The following ANO7 variants were observed in gnomAD, a reference collection of about 807,000 sequenced individuals.
ANO7 encodes the protein anoctamin 7, also known as anoctamin-7.
ANO7 carries 114 observed loss-of-function variants against 115.8 expected under a neutral mutation model. The observed-to-expected ratio is 0.98, with a 90% confidence interval of 0.85 to 1.15. ANO7 has a LOEUF of 1.15. ANO7 is among the 50% of genes most tolerant of loss of function. The probability of loss-of-function intolerance (pLI) is 0.00; values close to 1 mark genes in which losing one functional copy is unlikely to be tolerated. For missense variants in ANO7, 1,302 were observed against 1,201.2 expected (o/e 1.08, Z -1.24); for synonymous variants, 550 against 498.2 (o/e 1.10, Z -1.38).
rs200984740 is a variant in ANO7, at chr2:241,207,674, C to T, written c.1077+4C>T. The T allele has an allele frequency of 5.5e-5, 88 of 1,613,280 alleles. No individual in the cohort carries two copies. The highest frequency in any genetic ancestry group is 1.7e-4 in the Middle Eastern group (1 of 6,056). ...CAGCGCCTGTGCCCTGGCCCAGGTA[C>T]GAGAAGAGGTGGGTGGGGTAAGGGA... On this transcript the variant is annotated splice_donor_region_variant and intron_variant, in intron 11 of 24. Coordinates refer to ENST00000674324, the MANE Select transcript of ANO7 (RefSeq NM_001370694.2).
chr2:241,224,192 C>T lies in ANO7; in HGVS notation c.*39C>T. ...ATCTGGTGGTCCTTAGGGGAGTGGCCCCTCCTGAGCCCTGCGAGCAGCGTC... is the reference window on the plus strand; with the variant it reads ...ATCTGGTGGTCCTTAGGGGAGTGGCTCCTCCTGAGCCCTGCGAGCAGCGTC... On this transcript the variant is annotated 3_prime_UTR_variant, in exon 25 of 25. Transcript: ENST00000674324. 3 of 1,606,756 alleles carry T rather than the reference C, an allele frequency of 1.9e-6. No individual in the cohort carries two copies. The highest frequency in any genetic ancestry group is 2.6e-6 in the Non-Finnish European group (3 of 1,174,286).
At chr2:241,237,548 T>A in the ANO7 span, among the ~76,000 whole-genome samples, 229 of 152,212 alleles carry the variant, frequency 1.5e-3, 2 homozygotes, top group Non-Finnish European at 2.3e-3. Context: ...GAAGTAGGTG[T>A]TTCTGAAGGA....
chr2:241,220,314 A>C (rs2068977992), intron 21 of ANO7, among the ~76,000 whole-genome samples: 1 of 152,242 alleles, frequency 6.6e-6, no homozygotes, highest in African/African-American at 2.4e-5. Context: ...CGGATATAAA[A>C]GTATAGGTCG....
the ANO7 span, among the ~76,000 whole-genome samples, chr2:241,234,216 G>A: frequency 0.046 from 6,998 of 152,302 alleles, 555 homozygotes; most frequent in African/African-American, 0.16. Flanking sequence ...GACCACTTGC[G>A]AGGATCGTGC....
chr2:241,236,591 G>A, the ANO7 span: 1 of 1,612,108 alleles, frequency 6.2e-7, no homozygotes, highest in African/African-American at 1.3e-5. Flanking sequence ...GGCGGGGGGT[G>A]GAGGGGGGCA....
the ANO7 span, among the ~76,000 whole-genome samples, chr2:241,232,362 G>A: frequency 6.6e-6 from 1 of 150,550 alleles, no homozygotes; most frequent in Non-Finnish European, 1.5e-5. Flanking sequence ...TGCAGCCTCC[G>A]CCTCCTGCGT....
rs1574789700 is a variant in ANO7 at position 241,215,042 on chromosome 2, T to C, written c.1826+140T>C. The C allele has an allele frequency of 6.3e-6, 5 of 789,988 alleles. No individual in the cohort carries two copies. In the Admixed American group the frequency reaches 8.5e-5, roughly 13 times the overall value. The allele number at this position is 789,988 out of a possible 1,614,324, so 48.9% of individuals were successfully genotyped here. ...CTTGCCTGGGGAGGGGGAGGGGGAG[T>C]GTGCCCGGCCGTCTGCCCCGGGCTC... On this transcript the variant is annotated intron_variant, in intron 18 of 24. Coordinates refer to ENST00000674324, the MANE Select transcript of ANO7 (RefSeq NM_001370694.2).
At position 241,217,873 on chromosome 2, in the gene ANO7, C is replaced by T. The variant is rs1162900414; in HGVS notation, c.2160C>T (p.His720=). Residue 720 remains histidine, a synonymous_variant, in exon 20 of 25, where the codon CAC becomes CAT. Coordinates refer to ENST00000674324, the MANE Select transcript of ANO7 (RefSeq NM_001370694.2). ...IWFHILAGLT[H]LAVISNAFLL... is the part of the protein sequence containing the mutation. ...TCCACATCCTGGCGGGCCTCACGCA[C>T]CTGGCGGTCATCAGCAACGTGAGGC... is the stretch of plus-strand genomic sequence containing the variant. 6 of 1,593,166 alleles carry T rather than the reference C, an allele frequency of 3.8e-6. No individual in the cohort carries two copies. The East Asian group carries it at 1.1e-4, about 30-fold the overall frequency.
At chr2:241,219,932 CCTCT>C in intron 21 of ANO7, among the ~76,000 whole-genome samples, 2 of 152,258 alleles carry the variant, frequency 1.3e-5, no homozygotes, top group African/African-American at 4.8e-5. Flanking sequence ...AGTTTTGTTT[CCTCT>C]CTCTGTGTAT....
At chr2:241,193,018 T>G (rs1010173247) in intron 3 of ANO7, among the ~76,000 whole-genome samples, 13 of 152,156 alleles carry the variant, frequency 8.5e-5, no homozygotes, top group African/African-American at 2.9e-4. Context: ...CAATGACCTG[T>G]ACACTTAAAT....
intron 1 of ANO7, among the ~76,000 whole-genome samples, chr2:241,189,634 G>A (rs1205237511): frequency 6.6e-6 from 1 of 152,128 alleles, no homozygotes; most frequent in Non-Finnish European, 1.5e-5. Flanking sequence ...GAAGGCAGGC[G>A]ACTTGAGGGG....
chr2:241,216,606 G>C (rs2149249675), intron 19 of ANO7, among the ~76,000 whole-genome samples: 1 of 152,360 alleles, frequency 6.6e-6, no homozygotes, highest in Admixed American at 6.5e-5. Context: ...GCCACAGTGG[G>C]AGGCAGCGGC....
rs563012363 is a variant in ANO7, at chr2:241,199,718, A to G, written c.417+295A>G. 8.1e-4 allele frequency among the ~76,000 whole-genome samples: 123 copies of G among 152,262 alleles called. 1 individual carries two copies. Among genetic ancestry groups the G allele is most frequent in the African/African-American group, 2.8e-3 (116 of 41,554 alleles). ...CCACCTGCTGAGGGCCCTGCCTATG[A>G]ACATGGGGTGGAGAAGGCTGCCTCC... On this transcript the variant is annotated intron_variant, in intron 5 of 24. Coordinates refer to ENST00000674324, the MANE Select transcript of ANO7 (RefSeq NM_001370694.2).
rs2068511180 is a variant in ANO7, at chr2:241,203,246, T to G, written c.724-87T>G. ...CCAGACTCCCAGGCCTGTCTGCCCA[T>G]GTCCCACACTGAAGCCCCTGCACCT... On this transcript the variant is annotated intron_variant, in intron 8 of 24. Transcript: ENST00000674324. This position sits in a 1 kb window ranked among gnomAD's most constrained non-coding sequence, Gnocchi z 4.8. 2.8e-6 allele frequency: 3 copies of G among 1,060,096 alleles called. No homozygotes were observed. Among genetic ancestry groups the G allele is most frequent in the Non-Finnish European group, 3.9e-6 (3 of 776,724 alleles). 65.7% of individuals were successfully genotyped at this position (1,060,096 alleles called of 1,614,324 possible).
rs1006970869 is a variant in ANO7, at chr2:241,221,698, A to G, written c.2322-1488A>G. 2.6e-5 allele frequency among the ~76,000 whole-genome samples: 4 copies of G among 151,000 alleles called. No homozygotes were observed. In the East Asian group the frequency reaches 5.9e-4, roughly 22 times the overall value. On this transcript the variant is annotated intron_variant, in intron 21 of 24. Transcript: ENST00000674324. ...GATTATTTCTTTTTTTTCTTTTGAG[A>G]TGGAGTTTTCCTCTTGTCGCCAAGG...
At position 241,217,715 on chromosome 2, in the gene ANO7, G is replaced by C. The variant is rs970137788; in HGVS notation, c.2002G>C (p.Val668Leu). 1.9e-6 allele frequency: 3 copies of C among 1,596,310 alleles called. No individual in the cohort carries two copies. Among genetic ancestry groups the C allele is most frequent in the African/African-American group, 2.7e-5 (2 of 74,780 alleles). ...GCAGTTCGGCTTCGTCACCATCTTC[G>C]TGGCCGCCTGTCCGCTCGCGCCGCT... ...VLQFGFVTIF[V>L]AACPLAPLFA... Residue 668 changes from valine (V) to leucine (L), a missense_variant, in exon 20 of 25, where the codon GTG becomes CTG. Val to Leu is a conservative substitution (Grantham distance 32, BLOSUM62 1). Transcript: ENST00000674324.
chr2:241,229,728 C>T (rs1205767364), downstream of ANO7: 2 of 1,611,882 alleles, frequency 1.2e-6, no homozygotes, highest in East Asian at 4.5e-5. Flanking sequence ...GGGATGCTCC[C>T]CAACTCGCAA....
chr2:241,223,462 A>G, intron 22 of ANO7, 186 bp downstream of exon 22: 1 of 1,026,706 alleles, frequency 9.7e-7, no homozygotes, highest in East Asian at 2.6e-5. Context: ...TGTGGTGTGG[A>G]CATTGTGGGT....
intron 9 of ANO7, among the ~76,000 whole-genome samples, chr2:241,204,235 C>T (rs2068538408): frequency 6.6e-6 from 1 of 152,160 alleles, no homozygotes; most frequent in African/African-American, 2.4e-5. Flanking sequence ...GCAAGCAGGG[C>T]CAGGGCTGGA....
Sources: gnomAD v4.1 joint callset for allele counts (sites outside exome capture counted in the v4.1 genomes callset) on GRCh38, gnomAD v4.1.1 for gene constraint, Gnocchi (gnomAD v3.1) non-coding constraint, MANE v1.5 for transcripts, NCBI Gene and HGNC (gene_info 2026-07-23, HGNC 2026-07-21) for gene names.